The following TMEM116 variants were observed in gnomAD, a reference collection of about 807,000 sequenced individuals.
TMEM116 encodes the protein transmembrane protein 116.
In TMEM116, 38 loss-of-function variants were observed where a neutral mutation model predicts 44.3. That is an observed-to-expected ratio of 0.86 (90% CI 0.66 to 1.12). The LOEUF (loss-of-function observed/expected upper bound fraction) is 1.12, where lower values mean the gene tolerates loss of function less well. Ranked by LOEUF, TMEM116 falls within the 50% of genes most tolerant of loss-of-function variation. TMEM116 has a pLI of 0.00. For missense variants in TMEM116, 354 were observed against 401.7 expected (o/e 0.88, Z 1.01); for synonymous variants, 132 against 144.8 (o/e 0.91, Z 0.64).
intron 10 of TMEM116, 84 bp downstream of exon 10, chr12:111,932,502 A>C: frequency 8.5e-7 from 1 of 1,180,734 alleles, no homozygotes; most frequent in Non-Finnish European, 1.3e-6. Context: ...GGAGGGAAAA[A>C]ATCATCCTTA....
chr12:111,997,929 T>C (rs2077020521), intron 3 of TMEM116, among the ~76,000 whole-genome samples: 1 of 152,220 alleles, frequency 6.6e-6, no homozygotes, highest in African/African-American at 2.4e-5. Context: ...CAGTCATAGA[T>C]TCTACTGGCT....
intron 3 of TMEM116, among the ~76,000 whole-genome samples, chr12:112,001,505 G>T (rs1215549671): frequency 6.6e-6 from 1 of 152,082 alleles, no homozygotes; most frequent in Non-Finnish European, 1.5e-5. Flanking sequence ...GAAATTTTTG[G>T]TTGTCACAAC....
chr12:111,957,924 T>C (rs1248088068), intron 4 of TMEM116, among the ~76,000 whole-genome samples: 1 of 152,230 alleles, frequency 6.6e-6, no homozygotes, highest in Non-Finnish European at 1.5e-5. Context: ...TTTTGTTCTG[T>C]ACTAGGAAAA....
At chr12:111,960,846 T>C (rs1343882143) in intron 4 of TMEM116, among the ~76,000 whole-genome samples, 4 of 151,976 alleles carry the variant, frequency 2.6e-5, no homozygotes, top group African/African-American at 9.7e-5. Context: ...CTGACGGAGA[T>C]AGAGACAGGA....
Position 112,005,007 on chromosome 12 carries a change from T to C in TMEM116, c.14+250A>G, listed in dbSNP as rs138410129. On this transcript the variant is annotated intron_variant, in intron 2 of 10. Coordinates refer to ENST00000552374, the MANE Select transcript of TMEM116 (RefSeq NM_001193531.2). ...TGCTGCTTAAGTAAGCACTTTGCTATTGATTTTGCAACTGATCCTGCTGAC... is the reference window on the plus strand; with the variant it reads ...TGCTGCTTAAGTAAGCACTTTGCTACTGATTTTGCAACTGATCCTGCTGAC... Among the ~76,000 whole-genome samples the C allele has an allele frequency of 1.5e-4, 23 of 152,332 alleles. No homozygotes were observed. In the East Asian group the frequency reaches 4.4e-3, roughly 29 times the overall value.
chr12:111,954,228 G>T (rs2073935071), intron 4 of TMEM116, among the ~76,000 whole-genome samples: 1 of 152,140 alleles, frequency 6.6e-6, no homozygotes, highest in Non-Finnish European at 1.5e-5. Flanking sequence ...AGTCCAAAAG[G>T]TCACTGAGGG....
intron 4 of TMEM116, among the ~76,000 whole-genome samples, chr12:111,951,833 GA>G (rs900208430): frequency 4.7e-5 from 7 of 150,476 alleles, no homozygotes; most frequent in African/African-American, 1.5e-4. Context: ...AAAAAAAAAG[GA>G]AAAAAAAATC....
intron 4 of TMEM116, among the ~76,000 whole-genome samples, chr12:111,966,283 G>A (rs1343921559): frequency 1.3e-5 from 2 of 152,108 alleles, no homozygotes; most frequent in African/African-American, 4.8e-5. Context: ...TCCAGCCTGG[G>A]CAACAGAGCA....
chr12:111,997,496 G>C (rs1312128399), intron 3 of TMEM116, among the ~76,000 whole-genome samples: 1 of 152,116 alleles, frequency 6.6e-6, no homozygotes, highest in Non-Finnish European at 1.5e-5. Flanking sequence ...AGCAGTTTGA[G>C]GCTACAGTAG....
intron 3 of TMEM116, 84 bp downstream of exon 3, chr12:112,003,716 A>G: frequency 6.9e-7 from 1 of 1,458,774 alleles, no homozygotes. Flanking sequence ...GAATTATTTC[A>G]CCACTTACAG....
chr12:111,965,046 G>C (rs2074892792), intron 4 of TMEM116, among the ~76,000 whole-genome samples: 1 of 152,154 alleles, frequency 6.6e-6, no homozygotes, highest in East Asian at 1.9e-4. Flanking sequence ...ACTGGAACTA[G>C]AAATCTAGAT....
chr12:111,984,854 TG>T (rs1261555479), intron 4 of TMEM116, among the ~76,000 whole-genome samples: 2 of 152,034 alleles, frequency 1.3e-5, no homozygotes, highest in Admixed American at 6.6e-5. Context: ...AAATTTTAAA[TG>T]TTACCAATTT....
At chr12:111,964,782 G>C (rs1565910119) in intron 4 of TMEM116, among the ~76,000 whole-genome samples, 1 of 152,134 alleles carries the variant, frequency 6.6e-6, no homozygotes, top group Non-Finnish European at 1.5e-5. Context: ...CGACCTCCTA[G>C]GTGCAAGTGA....
At chr12:111,994,581 G>A (rs2053176449) in intron 3 of TMEM116, among the ~76,000 whole-genome samples, 1 of 152,180 alleles carries the variant, frequency 6.6e-6, no homozygotes, top group South Asian at 2.1e-4. Context: ...ATCACATGGG[G>A]ATGAAGTAAT....
intron 5 of TMEM116, among the ~76,000 whole-genome samples, chr12:111,938,943 G>C (rs1593280136): frequency 6.6e-6 from 1 of 152,168 alleles, no homozygotes; most frequent in Non-Finnish European, 1.5e-5. Context: ...CATTAAGTGA[G>C]TAATTAATCA....
At chr12:112,005,110 T>G (rs1207584408) in intron 2 of TMEM116, 147 bp downstream of exon 2, 4 of 523,458 alleles carry the variant, frequency 7.6e-6, no homozygotes, top group Non-Finnish European at 9.6e-6. Flanking sequence ...GTCACTTTAT[T>G]AGTAAGAAAA....
intron 5 of TMEM116, among the ~76,000 whole-genome samples, chr12:111,940,402 A>C (rs2072629270): frequency 6.8e-6 from 1 of 146,942 alleles, no homozygotes; most frequent in African/African-American, 2.5e-5. Context: ...TCACTCTGTT[A>C]CTCAGGCTGG....
At chr12:111,977,331 G>A (rs546718127) in intron 4 of TMEM116, among the ~76,000 whole-genome samples, 2 of 152,216 alleles carry the variant, frequency 1.3e-5, no homozygotes, top group South Asian at 4.1e-4. Flanking sequence ...ACTGTTGAAA[G>A]AAAGAACCAC....
At chr12:112,008,323 A>G (rs532713844) in intron 1 of TMEM116, among the ~76,000 whole-genome samples, 234 of 152,268 alleles carry the variant, frequency 1.5e-3, no homozygotes, top group African/African-American at 5.5e-3. Context: ...TCTACTAAAA[A>G]TACAAAAATT....
Sources: gnomAD v4.1 joint callset for allele counts (sites outside exome capture counted in the v4.1 genomes callset) on GRCh38, gnomAD v4.1.1 for gene constraint, MANE v1.5 for transcripts, NCBI Gene and HGNC (gene_info 2026-07-23, HGNC 2026-07-21) for gene names.